The following RIOK1 variants were observed in gnomAD, a reference collection of about 807,000 sequenced individuals.
RIOK1 encodes the protein RIO kinase 1.
A neutral mutation model predicts 73.5 loss-of-function variants in RIOK1; 66 were observed. That is an observed-to-expected ratio of 0.90 (90% confidence interval 0.74 to 1.10). RIOK1 has a LOEUF of 1.10. RIOK1 is among the 50% of genes least tolerant of loss of function. The pLI is 0.00. For missense variants in RIOK1, 658 were observed against 699.8 expected (o/e 0.94, Z 0.67); for synonymous variants, 224 against 226.8 (o/e 0.99, Z 0.11).
At chr6:7,400,889 T>A (rs2113509464) in intron 5 of RIOK1, 69 bp from the exon 6 acceptor site, 1 of 864,218 alleles carries the variant, frequency 1.2e-6, no homozygotes, top group Non-Finnish European at 1.9e-6. Flanking sequence ...TTATTGATTG[T>A]CACAGGTTTT....
intron 16 of RIOK1, among the ~76,000 whole-genome samples, chr6:7,416,160 A>G (rs1037726402): frequency 6.6e-6 from 1 of 152,210 alleles, no homozygotes; most frequent in Non-Finnish European, 1.5e-5. Flanking sequence ...TAAACCTTAT[A>G]CAATGTGGGT....
chr6:7,415,368 C>T lies in RIOK1; in HGVS notation c.1596+978C>T, dbSNP rs1305939495. Among the ~76,000 whole-genome samples the T allele has an allele frequency of 3.3e-5, 5 of 152,118 alleles. No individual in the cohort carries two copies. The East Asian group carries it at 7.7e-4, about 24-fold the overall frequency. On this transcript the variant is annotated intron_variant, in intron 16 of 16. Transcript: ENST00000379834. ...CTAGTGAGCTGATCATGCCACTGCA[C>T]GCCAGCCTGGGTGACAGAGTGAGAT...
chr6:7,401,754 C>T (rs1428706332), intron 6 of RIOK1, among the ~76,000 whole-genome samples: 1 of 141,466 alleles, frequency 7.1e-6, no homozygotes, highest in Non-Finnish European at 1.5e-5. Flanking sequence ...TCTCAGCTCA[C>T]TGCAACCTCT....
intron 12 of RIOK1, among the ~76,000 whole-genome samples, chr6:7,406,437 A>G (rs545633945): frequency 6.6e-6 from 1 of 152,208 alleles, no homozygotes; most frequent in Non-Finnish European, 1.5e-5. Context: ...ACCACTGTCT[A>G]TCTCCACACC....
chr6:7,411,662 A>G (rs1581722985), intron 14 of RIOK1: 5 of 483,720 alleles, frequency 1.0e-5, no homozygotes, highest in Non-Finnish European at 7.4e-6. Flanking sequence ...ATTTGAATGA[A>G]TCCAACAAGC....
At chr6:7,395,183 T>C (rs1322796266) in intron 3 of RIOK1, 40 bp downstream of exon 3, 1 of 1,579,444 alleles carries the variant, frequency 6.3e-7, no homozygotes, top group African/African-American at 1.4e-5. Context: ...AGAGGACATT[T>C]TTCAAAAACC....
At chr6:7,412,643 C>T (rs1414309619) in intron 14 of RIOK1, among the ~76,000 whole-genome samples, 1 of 132,414 alleles carries the variant, frequency 7.6e-6, no homozygotes, top group Non-Finnish European at 1.7e-5. Context: ...CAAAGCAAGA[C>T]TCCGTCTCAA....
At chr6:7,403,631 C>T (rs988888593) in intron 8 of RIOK1, among the ~76,000 whole-genome samples, 1 of 152,138 alleles carries the variant, frequency 6.6e-6, no homozygotes, top group African/African-American at 2.4e-5. Flanking sequence ...ACAAAAGATA[C>T]TTGTGGACCT....
At chr6:7,390,221 C>A (rs1296246182) in intron 1 of RIOK1, 148 bp downstream of exon 1, 1 of 664,804 alleles carries the variant, frequency 1.5e-6, no homozygotes, top group Non-Finnish European at 2.5e-6. Context: ...GTTTCTGCAT[C>A]CCAGCTGGGT....
intron 16 of RIOK1, among the ~76,000 whole-genome samples, chr6:7,415,977 A>T (rs906911248): frequency 6.6e-6 from 1 of 152,260 alleles, no homozygotes; most frequent in East Asian, 1.9e-4. Flanking sequence ...GAAGCATAGT[A>T]TATATAGGGT....
At chr6:7,407,071 A>C (rs967653197) in intron 12 of RIOK1, among the ~76,000 whole-genome samples, 10 of 152,236 alleles carry the variant, frequency 6.6e-5, no homozygotes, top group Admixed American at 6.5e-4. Context: ...CCTTCTGGCT[A>C]TTCTGAATAA....
chr6:7,397,884 G>C (rs1476917800), intron 4 of RIOK1, among the ~76,000 whole-genome samples: 1 of 152,232 alleles, frequency 6.6e-6, no homozygotes, highest in Non-Finnish European at 1.5e-5. Flanking sequence ...GCTCACGCCT[G>C]TAATCCCAGC....
At chr6:7,406,054 G>C (rs969281002) in intron 12 of RIOK1, among the ~76,000 whole-genome samples, 1 of 149,898 alleles carries the variant, frequency 6.7e-6, no homozygotes, top group Admixed American at 6.7e-5. Context: ...CTGGAACATA[G>C]TGGCGCACTC....
rs1207636722 is a variant in RIOK1 at position 7,393,158 on chromosome 6, A to T, written c.131A>T (p.Gln44Leu). 6.2e-7 allele frequency: 1 copy of T among 1,613,848 alleles called. No individual in the cohort carries two copies. Among genetic ancestry groups the T allele is most frequent in the Non-Finnish European group, 8.5e-7 (1 of 1,179,854 alleles). ...GATGACATTCTGTTTGAAGACCTTCAAGACAATGTGAATGAGAATGGTGAA... is the reference window on the plus strand; with the variant it reads ...GATGACATTCTGTTTGAAGACCTTCTAGACAATGTGAATGAGAATGGTGAA... ...EKDDILFEDL[Q>L]DNVNENGEGE... The change falls in exon 2 of 17, where the codon CAA (glutamine) becomes CTA (leucine). Residue 44 changes from glutamine (Q) to leucine (L), a missense_variant. Coordinates refer to ENST00000379834, the MANE Select transcript of RIOK1 (RefSeq NM_031480.3).
chr6:7,390,787 G>C (rs970792860), intron 1 of RIOK1, among the ~76,000 whole-genome samples: 1 of 152,238 alleles, frequency 6.6e-6, no homozygotes, highest in African/African-American at 2.4e-5. Context: ...GAAAAGTTCA[G>C]ATATTAATGT....
At chr6:7,409,550 A>G (rs1761835650) in intron 12 of RIOK1, among the ~76,000 whole-genome samples, 1 of 151,568 alleles carries the variant, frequency 6.6e-6, no homozygotes, top group Admixed American at 6.6e-5. Context: ...CAGCCTCCCA[A>G]AGTGCTGGGA....
At chr6:7,408,552 T>A (rs1451531049) in intron 12 of RIOK1, among the ~76,000 whole-genome samples, 2 of 152,122 alleles carry the variant, frequency 1.3e-5, no homozygotes, top group African/African-American at 4.8e-5. Flanking sequence ...TTATACTAAG[T>A]CCCTAATTCT....
chr6:7,396,485 G>C (rs1761478264), intron 3 of RIOK1, among the ~76,000 whole-genome samples: 1 of 152,156 alleles, frequency 6.6e-6, no homozygotes, highest in Non-Finnish European at 1.5e-5. Flanking sequence ...AAATATTATA[G>C]CTGTAGTGAT....
At position 7,414,339 on chromosome 6, in the gene RIOK1, A is replaced by G; in HGVS notation, c.1545A>G (p.Gly515=). ...ECSDTDSEEQ[G]DHARPKKHTT... is the part of the protein sequence containing the mutation. ...CTGACACAGACTCTGAAGAGCAGGG[A>G]GACCATGCCCGCCCCAAGAAACACA... The change falls in exon 16 of 17, where the codon GGA becomes GGG. Residue 515 remains glycine (G), a synonymous_variant. Transcript: ENST00000379834. 1 of 1,613,762 alleles carries G rather than the reference A, an allele frequency of 6.2e-7. No homozygotes were observed. The highest frequency in any genetic ancestry group is 2.2e-5 in the East Asian group (1 of 44,884).
Sources: allele counts gnomAD v4.1 joint callset (sites outside exome capture counted in the v4.1 genomes callset), GRCh38; gene constraint gnomAD v4.1.1; transcripts MANE v1.5; gene names NCBI Gene and HGNC (gene_info 2026-07-23, HGNC 2026-07-21).